ANK3: variants seen among roughly 807,000 people sequenced by gnomAD.
ANK3 encodes the protein ankyrin-3.
In ANK3, 57 loss-of-function variants were observed where a neutral mutation model predicts 370.9. The ratio of observed to expected loss-of-function variants is 0.15; its 90% CI spans 0.12 to 0.19. The LOEUF (loss-of-function observed/expected upper bound fraction) is 0.19. ANK3 is among the 10% of genes least tolerant of loss of function. The pLI is 1.00. For synonymous variants in ANK3, 1,929 were observed against 1,946.3 expected, an observed-to-expected ratio of 0.99 and a Z score of 0.23; for missense variants, 4,439 against 5,302.1, an observed-to-expected ratio of 0.84 and a Z score of 5.06.
rs538533240 is a variant in ANK3, at chr10:60,576,786, G to A, written c.96+38400C>T. On this transcript the variant is annotated intron_variant, in intron 2 of 43. Coordinates refer to the ANK3 transcript ENST00000373827. ...TTCTGAAAACAAAGGAATCTTTAGA[G>A]CTAAGTGAAACACTGAGATGCTGTG... 2.6e-5 allele frequency among the ~76,000 whole-genome samples: 4 copies of A among 152,282 alleles called. No homozygotes were observed. The South Asian group carries it at 6.2e-4, about 24-fold the overall frequency.
At chr10:60,499,043 C>T (rs1011471049) in intron 2 of ANK3, among the ~76,000 whole-genome samples, 20 of 152,226 alleles carry the variant, frequency 1.3e-4, no homozygotes, top group African/African-American at 4.3e-4. Flanking sequence ...AACCACTGTT[C>T]GTTTATTTGT....
At chr10:60,381,360 A>C (rs906946809) in intron 1 of ANK3, among the ~76,000 whole-genome samples, 4 of 152,154 alleles carry the variant, frequency 2.6e-5, no homozygotes, top group African/African-American at 9.7e-5. Flanking sequence ...TACTGAGATA[A>C]GCTAATTAGT....
chr10:60,377,282 A>G (rs550471839), intron 1 of ANK3, among the ~76,000 whole-genome samples: 15 of 152,228 alleles, frequency 9.9e-5, no homozygotes, highest in Non-Finnish European at 1.8e-4. Flanking sequence ...CAGGTAGCAG[A>G]TATGTGGCCA....
chr10:60,327,060 A>C (rs2050083139), intron 1 of ANK3, among the ~76,000 whole-genome samples: 1 of 151,976 alleles, frequency 6.6e-6, no homozygotes, highest in Non-Finnish European at 1.5e-5. Context: ...GGCCTCATAA[A>C]GCAAGTCAGA....
intron 8 of ANK3, 21 bp from the exon 9 acceptor site, chr10:60,213,531 C>A (rs1221824188): frequency 1.3e-6 from 2 of 1,518,262 alleles, no homozygotes; most frequent in Admixed American, 3.6e-5. Context: ...AAGGAAACAT[C>A]ACCAATTAAA....
chr10:60,252,532 G>C (rs868033373), intron 7 of ANK3, among the ~76,000 whole-genome samples: 1 of 151,780 alleles, frequency 6.6e-6, no homozygotes, highest in Admixed American at 6.6e-5. Context: ...GATTTTTTTC[G>C]GGTCATTTAA....
At chr10:60,129,169 C>T (rs1366661086) in intron 25 of ANK3, among the ~76,000 whole-genome samples, 1 of 152,188 alleles carries the variant, frequency 6.6e-6, no homozygotes, top group Non-Finnish European at 1.5e-5. Context: ...CCAATACACA[C>T]CAAGCTTCCA....
rs1055247071 is a variant in ANK3 at position 60,389,612 on chromosome 10, C to G, written c.-74G>C. Reference sequence around the variant, plus strand: ...GGTGATATCCTCAGGCACCTCTAATCAGGCTTACAGCAGCATTCCAATCAC... The same window carrying G: ...GGTGATATCCTCAGGCACCTCTAATGAGGCTTACAGCAGCATTCCAATCAC... On this transcript the variant is annotated 5_prime_UTR_variant, in exon 1 of 44. Transcript: ENST00000280772. The G allele has an allele frequency of 3.8e-6, 6 of 1,586,298 alleles. No homozygotes were observed. In the African/African-American group the frequency reaches 8.2e-5, roughly 22 times the overall value.
Position 60,576,045 on chromosome 10 carries a change from C to T in ANK3, c.96+39141G>A, listed in dbSNP as rs189277096. ...ATGTTAAATGTTAACTACTTTGCGG[C>T]GGTAATCTCTTTTCCACCCAAATTA... On this transcript the variant is annotated intron_variant, in intron 2 of 43. Coordinates refer to the ANK3 transcript ENST00000373827. Among the ~76,000 whole-genome samples, 6 of 152,232 alleles carry T rather than the reference C, an allele frequency of 3.9e-5. No homozygotes were observed. The East Asian group carries it at 5.8e-4, about 15-fold the overall frequency.
rs1490806028 is a variant in ANK3, at chr10:60,072,548, A to G, written c.8333T>C (p.Val2778Ala). The G allele has an allele frequency of 6.2e-7, 1 of 1,613,450 alleles. No homozygotes were observed. The change falls in exon 37 of 44, where the codon GTA becomes GCA. Residue 2778 changes from valine to alanine, a missense_variant. Val to Ala is a moderately conservative substitution (Grantham distance 64). Transcript: ENST00000280772. ...TACCATAAAATCTTTTTGCACAGAT[A>G]CACTTTCATCTGGGAGGTCTATGGC... ...QKAIDLPDES[V>A]SVQKDFMVLK...
chr10:60,516,201 C>T (rs957724657), intron 2 of ANK3, among the ~76,000 whole-genome samples: 2 of 151,992 alleles, frequency 1.3e-5, no homozygotes, highest in African/African-American at 4.8e-5. Flanking sequence ...AATTCCATAA[C>T]AATGAAGATG....
intron 23 of ANK3, among the ~76,000 whole-genome samples, chr10:60,165,287 T>C (rs2095597987): frequency 6.6e-6 from 1 of 152,182 alleles, no homozygotes; most frequent in Non-Finnish European, 1.5e-5. Flanking sequence ...CTCTGAAATG[T>C]ATGAGAAGGC....
At chr10:60,170,912 A>G (rs564643696) in intron 21 of ANK3, among the ~76,000 whole-genome samples, 30 of 152,264 alleles carry the variant, frequency 2.0e-4, no homozygotes, top group African/African-American at 4.6e-4. Flanking sequence ...GAACTTTTAC[A>G]TGTCTCAAGT....
chr10:60,184,621 T>A (rs2096279254), intron 17 of ANK3, among the ~76,000 whole-genome samples: 1 of 152,190 alleles, frequency 6.6e-6, no homozygotes, highest in Non-Finnish European at 1.5e-5. Context: ...GCTATATGTC[T>A]TTGAGTCTTT....
At chr10:60,436,053 A>G (rs1419690806) in intron 2 of ANK3, among the ~76,000 whole-genome samples, 1 of 150,878 alleles carries the variant, frequency 6.6e-6, no homozygotes, top group Non-Finnish European at 1.5e-5. Flanking sequence ...GCGCCACAGC[A>G]CTCCCGCCTG....
chr10:60,413,157 C>A (rs2063593787), intron 2 of ANK3, among the ~76,000 whole-genome samples: 1 of 152,204 alleles, frequency 6.6e-6, no homozygotes, highest in African/African-American at 2.4e-5. Context: ...GCCACTTCTT[C>A]CTCAGTAAAG....
intron 17 of ANK3, among the ~76,000 whole-genome samples, chr10:60,184,899 C>T (rs944176417): frequency 3.9e-5 from 6 of 152,130 alleles, no homozygotes; most frequent in African/African-American, 1.4e-4. Flanking sequence ...ATTATGGGCT[C>T]ACAAGAGAAA....
rs188400905 is a variant in ANK3 at position 60,709,143 on chromosome 10, C to T, written c.57+24120G>A. On this transcript the variant is annotated intron_variant, in intron 1 of 43. Transcript: ENST00000373827. ...AAAGGCCAAAAGCAGTTTGAAGAGACATAGCAAGCATCACAGCCAGACTCA... is the reference window on the plus strand; with the variant it reads ...AAAGGCCAAAAGCAGTTTGAAGAGATATAGCAAGCATCACAGCCAGACTCA... Among the ~76,000 whole-genome samples, 5 of 152,228 alleles carry T rather than the reference C, an allele frequency of 3.3e-5. No individual in the cohort carries two copies. In the South Asian group the frequency reaches 6.2e-4, roughly 19 times the overall value.
At chr10:60,092,637 C>A (rs926390935) in intron 28 of ANK3, among the ~76,000 whole-genome samples, 4 of 152,278 alleles carry the variant, frequency 2.6e-5, no homozygotes, top group Admixed American at 1.3e-4. Context: ...AAAGGAACTG[C>A]AATTTTACTC....
Sources: allele counts gnomAD v4.1 joint callset (sites outside exome capture counted in the v4.1 genomes callset), GRCh38; gene constraint gnomAD v4.1.1; transcripts MANE v1.5; gene names NCBI Gene and HGNC (gene_info 2026-07-23, HGNC 2026-07-21).